ITPR2: variants seen among roughly 807,000 people sequenced by gnomAD.
ITPR2 encodes inositol 1,4,5-trisphosphate-gated calcium channel ITPR2.
In ITPR2, 207 loss-of-function variants were observed where a neutral mutation model predicts 317.1. The observed-to-expected ratio is 0.65, with a 90% CI of 0.58 to 0.73. The LOEUF is 0.73. Among genes scored for constraint, ITPR2 ranks in the 30% least tolerant of loss-of-function variants. The pLI is 0.00. For synonymous variants in ITPR2, 1,156 were observed against 1,149.1 expected (o/e 1.01, Z -0.12); for missense variants, 2,613 against 3,284.0 (o/e 0.80, Z 4.99).
chr12:26,431,557 C>T (rs1941209494), intron 48 of ITPR2, among the ~76,000 whole-genome samples: 1 of 152,224 alleles, frequency 6.6e-6, no homozygotes, highest in Non-Finnish European at 1.5e-5. Flanking sequence ...CAGCCCTGTA[C>T]TCCTGAACAA....
chr12:26,445,515 T>G (rs1941588356), intron 45 of ITPR2, among the ~76,000 whole-genome samples: 1 of 150,628 alleles, frequency 6.6e-6, no homozygotes, highest in Admixed American at 6.6e-5. Context: ...TTAAGAAAGG[T>G]AGGAACAAAA....
At chr12:26,436,102 C>G (rs1941343173) in intron 48 of ITPR2, 119 bp downstream of exon 48, 2 of 999,444 alleles carry the variant, frequency 2.0e-6, no homozygotes, top group East Asian at 5.6e-5. Flanking sequence ...TCATACTCTA[C>G]TTCCAACAAG....
intron 37 of ITPR2, among the ~76,000 whole-genome samples, chr12:26,504,320 C>T (rs1943138312): frequency 6.6e-6 from 1 of 152,178 alleles, no homozygotes; most frequent in Non-Finnish European, 1.5e-5. Context: ...ACAGGATGCC[C>T]CTCTAAGTCA....
chr12:26,518,933 A>AGACT (rs1943597500), intron 37 of ITPR2, among the ~76,000 whole-genome samples: 1 of 152,132 alleles, frequency 6.6e-6, no homozygotes. Context: ...CTTTTTTGAA[A>AGACT]GACTGCATAA....
intron 54 of ITPR2, among the ~76,000 whole-genome samples, chr12:26,391,460 A>C (rs1423886734): frequency 6.6e-6 from 1 of 152,042 alleles, no homozygotes; most frequent in African/African-American, 2.4e-5. Context: ...ATGCAGATGA[A>C]ATGGTACATC....
intron 13 of ITPR2, among the ~76,000 whole-genome samples, chr12:26,678,253 A>G (rs746744018): frequency 2.6e-5 from 4 of 152,178 alleles, no homozygotes; most frequent in Admixed American, 6.5e-5. Flanking sequence ...CATCCCTGAC[A>G]ATATGTTCCC....
At chr12:26,592,896 T>C (rs1464345966) in intron 32 of ITPR2, among the ~76,000 whole-genome samples, 1 of 152,222 alleles carries the variant, frequency 6.6e-6, no homozygotes, top group Non-Finnish European at 1.5e-5. Context: ...CTGGATACAA[T>C]GATATGGATG....
Position 26,468,351 on chromosome 12 carries a change from A to G in ITPR2, c.6342+6945T>C, listed in dbSNP as rs113932190. On this transcript the variant is annotated intron_variant, in intron 45 of 56. Transcript: ENST00000381340. ...GAGTTTACTAACAATATTGGCAAAG[A>G]GTAATGTATAAAATTAAAAAGAAAG... Among the ~76,000 whole-genome samples the G allele has an allele frequency of 8.5e-4, 129 of 152,316 alleles. 2 individuals carry two copies. The highest frequency in any genetic ancestry group is 2.9e-3 in the African/African-American group (122 of 41,592).
chr12:26,682,607 T>G lies in ITPR2; in HGVS notation c.1215A>C (p.Ile405=), dbSNP rs1331886265. 1 of 1,612,858 alleles carries G rather than the reference T, an allele frequency of 6.2e-7. No individual in the cohort carries two copies. Among genetic ancestry groups the G allele is most frequent in the Non-Finnish European group, 8.5e-7 (1 of 1,179,048 alleles). Residue 405 remains isoleucine, a synonymous_variant, in exon 12 of 57, where the codon ATA becomes ATC. Transcript: ENST00000381340. Reference sequence around the variant, plus strand: ...TAACAGGCCTCTCTTCATCTGTGTCTATGGGGATACTAGTACTGGTTACCC... The same window carrying G: ...TAACAGGCCTCTCTTCATCTGTGTCGATGGGGATACTAGTACTGGTTACCC... ...NTWVTSTSIP[I]DTDEERPVML...
chr12:26,580,211 C>A (rs970859869), intron 32 of ITPR2, 56 bp from the exon 33 acceptor site: 1 of 1,541,722 alleles, frequency 6.5e-7, no homozygotes, highest in African/African-American at 1.4e-5. Context: ...AACCACAATT[C>A]AGTATTGGAA....
intron 20 of ITPR2, among the ~76,000 whole-genome samples, chr12:26,655,112 C>A (rs112975005): frequency 1.3e-5 from 2 of 152,094 alleles, no homozygotes; most frequent in Non-Finnish European, 2.9e-5. Context: ...GAAAGTATTT[C>A]AATTCAGTTT....
intron 2 of ITPR2, among the ~76,000 whole-genome samples, chr12:26,750,303 G>A (rs1949392499): frequency 6.6e-6 from 1 of 152,058 alleles, no homozygotes; most frequent in African/African-American, 2.4e-5. Context: ...ATTGTTCTGT[G>A]GATTAATAGT....
intron 45 of ITPR2, among the ~76,000 whole-genome samples, chr12:26,447,326 T>C (rs926133693): frequency 2.0e-5 from 3 of 152,220 alleles, no homozygotes; most frequent in East Asian, 1.9e-4. Flanking sequence ...CCAGTATTTG[T>C]AGAAAGAAAA....
intron 52 of ITPR2, among the ~76,000 whole-genome samples, chr12:26,408,587 C>T (rs981244646): frequency 2.0e-5 from 3 of 152,132 alleles, no homozygotes; most frequent in Non-Finnish European, 2.9e-5. Flanking sequence ...GCAGTTCTCT[C>T]TCTCTGTGCC....
At chr12:26,732,752 G>A (rs1346641821) in intron 2 of ITPR2, among the ~76,000 whole-genome samples, 4 of 152,120 alleles carry the variant, frequency 2.6e-5, no homozygotes, top group Non-Finnish European at 5.9e-5. Flanking sequence ...GGCATAATCT[G>A]TCTCTGTTTA....
At chr12:26,409,451 G>C (rs964682244) in intron 52 of ITPR2, among the ~76,000 whole-genome samples, 18 of 152,200 alleles carry the variant, frequency 1.2e-4, no homozygotes, top group African/African-American at 4.1e-4. Flanking sequence ...GTGAGAGCAT[G>C]TTCTAGTGCT....
chr12:26,668,492 C>T (rs1947676173), intron 13 of ITPR2, among the ~76,000 whole-genome samples: 1 of 151,938 alleles, frequency 6.6e-6, no homozygotes, highest in Admixed American at 6.6e-5. Flanking sequence ...TTGAGGGAAG[C>T]CAGGTAGAAG....
At chr12:26,609,463 C>G (rs1004471571) in intron 26 of ITPR2, among the ~76,000 whole-genome samples, 5 of 151,994 alleles carry the variant, frequency 3.3e-5, no homozygotes, top group African/African-American at 4.8e-5. Context: ...AAAAATCAGC[C>G]AGGCGTGGTG....
chr12:26,442,455 A>G (rs1941508627), intron 46 of ITPR2, among the ~76,000 whole-genome samples: 1 of 152,056 alleles, frequency 6.6e-6, no homozygotes, highest in South Asian at 2.1e-4. Context: ...AACATCAAAC[A>G]ACAGCTCCCA....
Sources: gnomAD v4.1 joint callset for allele counts (sites outside exome capture counted in the v4.1 genomes callset) on GRCh38, gnomAD v4.1.1 for gene constraint, MANE v1.5 for transcripts, NCBI Gene and HGNC (gene_info 2026-07-23, HGNC 2026-07-21) for gene names.